TBL1XR1: variants seen among roughly 807,000 people sequenced by gnomAD.
TBL1XR1 encodes F-box-like/WD repeat-containing protein TBL1XR1.
In TBL1XR1, 5 loss-of-function variants were observed where a neutral mutation model predicts 66.9. The observed-to-expected ratio is 0.07, with a 90% CI of 0.04 to 0.16. The LOEUF (loss-of-function observed/expected upper bound fraction) is 0.16, where lower values mean the gene tolerates loss of function less well. Among genes scored for constraint, TBL1XR1 ranks in the 10% least tolerant of loss-of-function variants. The pLI is 1.00. For synonymous variants in TBL1XR1, 210 were observed against 206.0 expected (o/e 1.02, Z -0.17); for missense variants, 238 against 623.2 (o/e 0.38, Z 6.58).
rs139514358 is a variant in TBL1XR1 at position 177,149,484 on chromosome 3, TA to T, written c.-122+47636del. ...TTTTACATATAAGAAAACTGGGGTT[TA>T]AAATGGCTAATTTACTAATAGGCCA... On this transcript the variant is annotated intron_variant, in intron 1 of 15. Transcript: ENST00000457928. 9.4e-3 allele frequency among the ~76,000 whole-genome samples: 1,426 copies of T among 152,314 alleles called. 22 individuals carry two copies. Among genetic ancestry groups the T allele is most frequent in the African/African-American group, 0.033 (1,356 of 41,570 alleles).
intron 1 of TBL1XR1, among the ~76,000 whole-genome samples, chr3:177,186,762 T>G (rs1735462799): frequency 6.6e-6 from 1 of 152,164 alleles, no homozygotes; most frequent in Non-Finnish European, 1.5e-5. Flanking sequence ...TAAAAAAAAT[T>G]TCCATATAGA....
At chr3:177,197,584 G>A (rs1007888275), upstream of TBL1XR1, among the ~76,000 whole-genome samples, 8 of 141,540 alleles carry the variant, frequency 5.7e-5, no homozygotes, top group Non-Finnish European at 3.1e-5. Context: ...CGGCGGCGGC[G>A]GCCGCGCAGC....
chr3:177,025,527 G>A lies in TBL1XR1; in HGVS notation c.1519-3C>T. The A allele has an allele frequency of 6.2e-7, 1 of 1,612,384 alleles. No homozygotes were observed. Among genetic ancestry groups the A allele is most frequent in the Non-Finnish European group, 8.5e-7 (1 of 1,179,222 alleles). ...TTCCGAAGGTCTAATACACAAACCT[G>A]TAAGAAATTAAAATAATCAACCAGT... is the stretch of plus-strand genomic sequence containing the variant. On this transcript the variant is annotated splice_region_variant and splice_polypyrimidine_tract_variant and intron_variant, in intron 15 of 15. Transcript: ENST00000457928.
chr3:177,141,352 GAAGTT>G (rs1216205327), intron 1 of TBL1XR1, among the ~76,000 whole-genome samples: 2 of 152,316 alleles, frequency 1.3e-5, no homozygotes, highest in South Asian at 2.1e-4. Context: ...ATACCAGGTA[GAAGTT>G]AAGTAAGTCA....
At chr3:177,094,840 G>A (rs988047352) in intron 2 of TBL1XR1, among the ~76,000 whole-genome samples, 5 of 151,996 alleles carry the variant, frequency 3.3e-5, no homozygotes, top group African/African-American at 1.2e-4. Context: ...GGGATGGAGA[G>A]GGATGAAAGA....
At chr3:177,124,139 A>G (rs73881961) in intron 1 of TBL1XR1, among the ~76,000 whole-genome samples, 2,856 of 152,168 alleles carry the variant, frequency 0.019, 89 homozygotes, top group African/African-American at 0.065. Context: ...GCATAATAAC[A>G]TTAGCTAATC....
chr3:177,073,439 A>T (rs1296108246), intron 2 of TBL1XR1, among the ~76,000 whole-genome samples: 7 of 152,238 alleles, frequency 4.6e-5, no homozygotes, highest in Admixed American at 4.6e-4. Flanking sequence ...TAAATATCAG[A>T]GTATCAAAGC....
intron 1 of TBL1XR1, 55 bp downstream of exon 1, chr3:177,197,066 C>A: frequency 6.6e-6 from 1 of 151,940 alleles, no homozygotes; most frequent in Admixed American, 6.6e-5. Context: ...TGGCCCGCGC[C>A]CCCCGCCCAG....
At chr3:177,119,810 T>C (rs546169422) in intron 1 of TBL1XR1, among the ~76,000 whole-genome samples, 2 of 152,350 alleles carry the variant, frequency 1.3e-5, no homozygotes, top group East Asian at 3.9e-4. Flanking sequence ...GTCCTGTGTA[T>C]TGAATTAGTG....
At chr3:177,033,324 G>A (rs1000427168) in intron 13 of TBL1XR1, among the ~76,000 whole-genome samples, 188 bp from the exon 14 acceptor site, 26 of 151,964 alleles carry the variant, frequency 1.7e-4, no homozygotes, top group African/African-American at 5.8e-4. Flanking sequence ...ATAAATAAAT[G>A]AAATTTAGAA....
At chr3:177,057,685 G>A (rs1717978082) in intron 3 of TBL1XR1, among the ~76,000 whole-genome samples, 1 of 152,090 alleles carries the variant, frequency 6.6e-6, no homozygotes, top group African/African-American at 2.4e-5. Flanking sequence ...GGAGGCAAAA[G>A]AGACCACCTA....
intron 2 of TBL1XR1, among the ~76,000 whole-genome samples, chr3:177,080,416 A>T (rs1442729454): frequency 6.6e-6 from 1 of 152,186 alleles, no homozygotes; most frequent in African/African-American, 2.4e-5. Context: ...GCCCCTGATG[A>T]AATAACTGAA....
At chr3:177,026,720 T>C in intron 14 of TBL1XR1, 1 of 384,158 alleles carries the variant, frequency 2.6e-6, no homozygotes, top group Non-Finnish European at 4.6e-6. Context: ...TAACCATTCT[T>C]GGCTAAGGTA....
intron 1 of TBL1XR1, chr3:177,164,134 A>T (rs1560248867): frequency 6.6e-6 from 1 of 152,202 alleles, no homozygotes; most frequent in Non-Finnish European, 1.5e-5. Context: ...ACCGTAAAAC[A>T]ACTAACATAA....
At chr3:177,065,603 T>C (rs146228382) in intron 2 of TBL1XR1, among the ~76,000 whole-genome samples, 16 of 152,304 alleles carry the variant, frequency 1.1e-4, no homozygotes, top group African/African-American at 3.8e-4. Flanking sequence ...GATGCTTTCT[T>C]ACTGGACATA....
intron 1 of TBL1XR1, among the ~76,000 whole-genome samples, chr3:177,193,829 C>A (rs1001203831): frequency 1.3e-5 from 2 of 152,170 alleles, no homozygotes; most frequent in Non-Finnish European, 2.9e-5. Flanking sequence ...TAAGACAGAC[C>A]CAGGTTTGAA....
intron 2 of TBL1XR1, among the ~76,000 whole-genome samples, chr3:177,090,482 C>A (rs1373567252): frequency 6.8e-6 from 1 of 146,748 alleles, no homozygotes; most frequent in Non-Finnish European, 1.5e-5. Flanking sequence ...GAGTTCAAGA[C>A]CAGCCTGGTC....
At chr3:177,152,170 T>C (rs977896161) in intron 1 of TBL1XR1, among the ~76,000 whole-genome samples, 4 of 152,238 alleles carry the variant, frequency 2.6e-5, no homozygotes, top group Admixed American at 6.5e-5. Flanking sequence ...TGAAAACTTC[T>C]TCCAAAGATG....
chr3:177,106,522 T>C lies in TBL1XR1; in HGVS notation c.-121-7981A>G, dbSNP rs1389828712. On this transcript the variant is annotated intron_variant, in intron 1 of 15. Transcript: ENST00000457928. ...CACGTGGTATCGGAGGTTAAGAGCC[T>C]GGAATTGTGGAGCCACACAGGTGGG... Among the ~76,000 whole-genome samples, 4 of 152,298 alleles carry C rather than the reference T, an allele frequency of 2.6e-5. No homozygotes were observed. In the East Asian group the frequency reaches 7.7e-4, roughly 29 times the overall value.
Sources: allele counts gnomAD v4.1 joint callset (sites outside exome capture counted in the v4.1 genomes callset), GRCh38; gene constraint gnomAD v4.1.1; transcripts MANE v1.5; gene names NCBI Gene and HGNC (gene_info 2026-07-23, HGNC 2026-07-21).